Variants in GNPDA2 observed in about 807,000 individuals in gnomAD.
The protein encoded by GNPDA2 is glcN6P deaminase 2.
GNPDA2 carries 24 observed loss-of-function variants against 27.0 expected under a neutral mutation model. That is an observed-to-expected ratio of 0.89 (90% CI 0.64 to 1.25). The LOEUF (loss-of-function observed/expected upper bound fraction) is 1.25. Ranked by LOEUF, GNPDA2 falls within the 50% of genes most tolerant of loss-of-function variation. The probability of loss-of-function intolerance (pLI) is 0.00; values close to 1 mark genes in which losing one functional copy is unlikely to be tolerated. For synonymous variants in GNPDA2, 94 were observed against 108.4 expected (o/e 0.87, Z 0.83); for missense variants, 286 against 335.1 (o/e 0.85, Z 1.14).
intron 1 of GNPDA2, 54 bp from the exon 2 acceptor site, chr4:44,722,296 C>G (rs1717722361): frequency 7.5e-7 from 1 of 1,339,826 alleles, no homozygotes; most frequent in African/African-American, 1.5e-5. Flanking sequence ...AATTTAAATT[C>G]AGTAACTTTT....
intron 5 of GNPDA2, among the ~76,000 whole-genome samples, chr4:44,710,413 T>TA (rs551423856): frequency 3.3e-4 from 50 of 152,180 alleles, no homozygotes; most frequent in Non-Finnish European, 5.4e-4. Flanking sequence ...CAGCCCAATT[T>TA]AAAAAAACTT....
chr4:44,702,721 C>G lies in GNPDA2; in HGVS notation c.*360G>C, dbSNP rs1716352282. 1 of 1,065,364 alleles carries G rather than the reference C, an allele frequency of 9.4e-7. No individual in the cohort carries two copies. Among genetic ancestry groups the G allele is most frequent in the Non-Finnish European group, 1.1e-6 (1 of 882,304 alleles). The allele number at this position is 1,065,364 out of a possible 1,614,324, so 66.0% of individuals were successfully genotyped here. On this transcript the variant is annotated 3_prime_UTR_variant, in exon 7 of 7. Transcript: ENST00000295448. The stretch of plus-strand genomic sequence containing the variant: ...ATCTGAAAGGTTTGGAGTGTCTTGT[C>G]ATTAAAAAATGAAATATACGCCACT...
At chr4:44,708,159 C>T (rs543760836) in intron 5 of GNPDA2, among the ~76,000 whole-genome samples, 47 of 151,990 alleles carry the variant, frequency 3.1e-4, no homozygotes, top group Admixed American at 6.6e-4. Context: ...TTAATGCAAA[C>T]ACTATAATAC....
At position 44,702,498 on chromosome 4, in the gene GNPDA2, A is replaced by G. The variant is rs1380932412; in HGVS notation, c.*583T>C. 2.9e-5 allele frequency: 29 copies of G among 985,176 alleles called. No individual in the cohort carries two copies. The highest frequency in any genetic ancestry group is 1.0e-3 in the Middle Eastern group (2 of 1,932). The allele number at this position is 985,176 out of a possible 1,614,324, so 61.0% of individuals were successfully genotyped here. A position where few individuals can be genotyped will look rare whatever the true frequency, so the allele number is the denominator to read the frequency against. ...AACATGCACTTACACATACTTTCCA[A>G]AAGGATGTAAACTGTACTTTTAGGC... On this transcript the variant is annotated 3_prime_UTR_variant, in exon 7 of 7. Coordinates refer to ENST00000295448, the MANE Select transcript of GNPDA2 (RefSeq NM_138335.3).
intron 5 of GNPDA2, 100 bp from the exon 6 acceptor site, chr4:44,708,026 GAGAA>G (rs1282290169): frequency 2.4e-5 from 18 of 753,700 alleles, no homozygotes; most frequent in South Asian, 2.0e-4. Flanking sequence ...TTTTTTCTGA[GAGAA>G]AGAAAAATAC....
intron 4 of GNPDA2, among the ~76,000 whole-genome samples, chr4:44,712,944 T>C (rs1282020649): frequency 6.6e-6 from 1 of 152,210 alleles, no homozygotes; most frequent in Non-Finnish European, 1.5e-5. Context: ...CTGGAGTAAA[T>C]GTCATTCCTG....
rs1027191855 is a variant in GNPDA2 at position 44,703,903 on chromosome 4, A to G, written c.770-761T>C. ...AAGACTGACCCAGTTAATGAACCAGAGATTTTATATTTTGGAGGGTAAAGA... is the reference window on the plus strand; with the variant it reads ...AAGACTGACCCAGTTAATGAACCAGGGATTTTATATTTTGGAGGGTAAAGA... On this transcript the variant is annotated intron_variant, in intron 6 of 6. Transcript: ENST00000295448. 8.1e-6 allele frequency: 8 copies of G among 985,024 alleles called. No homozygotes were observed. The African/African-American group carries it at 1.2e-4, about 15-fold the overall frequency. 61.0% of individuals were successfully genotyped at this position (985,024 alleles called of 1,614,324 possible). A position where few individuals can be genotyped will look rare whatever the true frequency, so the allele number is the denominator to read the frequency against.
intron 2 of GNPDA2, among the ~76,000 whole-genome samples, 174 bp downstream of exon 2, chr4:44,721,910 T>C (rs984905806): frequency 3.3e-5 from 5 of 152,168 alleles, no homozygotes; most frequent in South Asian, 2.1e-4. Context: ...TAGTAACACA[T>C]TGTAGATAGT....
At chr4:44,711,399 T>C (rs1716971246) in intron 4 of GNPDA2, among the ~76,000 whole-genome samples, 1 of 152,182 alleles carries the variant, frequency 6.6e-6, no homozygotes, top group South Asian at 2.1e-4. Context: ...TATAAAGCCC[T>C]TTCACATGCA....
chr4:44,703,416 A>G lies in GNPDA2; in HGVS notation c.770-274T>C, dbSNP rs930247520. On this transcript the variant is annotated intron_variant, in intron 6 of 6. Transcript: ENST00000295448. ...AACCAGAAGAGCATTTCTTGTCTTC[A>G]AAGAGATTAAGCATGACAAATTTGA... The G allele has an allele frequency of 6.9e-6, 8 of 1,167,802 alleles. No individual in the cohort carries two copies. In the African/African-American group the frequency reaches 1.1e-4, roughly 17 times the overall value. The allele number at this position is 1,167,802 out of a possible 1,614,324, so 72.3% of individuals were successfully genotyped here.
chr4:44,715,136 AAAG>A (rs1717207673), intron 4 of GNPDA2, among the ~76,000 whole-genome samples: 1 of 152,188 alleles, frequency 6.6e-6, no homozygotes, highest in South Asian at 2.1e-4. Flanking sequence ...AATTAGCTGA[AAAG>A]AAGTACGAAA....
intron 4 of GNPDA2, chr4:44,714,408 G>A: frequency 1.0e-6 from 1 of 985,348 alleles, no homozygotes; most frequent in Non-Finnish European, 1.2e-6. Flanking sequence ...ATTTGAGTAT[G>A]TATTTCCTCC....
At chr4:44,712,522 T>A (rs922870517) in intron 4 of GNPDA2, among the ~76,000 whole-genome samples, 8 of 105,764 alleles carry the variant, frequency 7.6e-5, no homozygotes, top group Admixed American at 1.8e-4. Flanking sequence ...ATTAAGTATG[T>A]ATCTGCTTAT....
intron 4 of GNPDA2, chr4:44,714,672 A>C: frequency 1.8e-5 from 18 of 985,048 alleles, no homozygotes; most frequent in Non-Finnish European, 2.2e-5. Context: ...GGAACAAAAG[A>C]AGGGTAGTTG....
rs536806214 is a variant in GNPDA2 at position 44,726,177 on chromosome 4, G to A, written c.-36+297C>T. ...GCAAAGGACAGCGAATGCAAATGAG[G>A]ATGACTGTTAGGAATTTTTAACGAG... On this transcript the variant is annotated intron_variant, in intron 1 of 6. Transcript: ENST00000295448. 3.9e-5 allele frequency among the ~76,000 whole-genome samples: 6 copies of A among 152,278 alleles called. No homozygotes were observed. In the East Asian group the frequency reaches 7.8e-4, roughly 20 times the overall value.
intron 6 of GNPDA2, chr4:44,704,902 C>T (rs2709): frequency 0.23 from 222,116 of 981,506 alleles, 25,575 homozygotes; most frequent in Middle Eastern, 0.34. Flanking sequence ...AAAATCAAAG[C>T]TGTTCTATTT....
rs963961021 is a variant in GNPDA2, at chr4:44,702,532, C to G, written c.*549G>C. 7 of 986,180 alleles carry G rather than the reference C, an allele frequency of 7.1e-6. No individual in the cohort carries two copies. Among genetic ancestry groups the G allele is most frequent in the South Asian group, 9.4e-5 (2 of 21,320 alleles). The allele number at this position is 986,180 out of a possible 1,614,324, so 61.1% of individuals were successfully genotyped here. The stretch of plus-strand genomic sequence containing the variant: ...AAACTGTACTTTTAGGCACTGTCAT[C>G]TCTTCAAATTTCCTTTACCAATGAT... On this transcript the variant is annotated 3_prime_UTR_variant, in exon 7 of 7. Coordinates refer to ENST00000295448, the MANE Select transcript of GNPDA2 (RefSeq NM_138335.3).
intron 6 of GNPDA2, 81 bp from the exon 7 acceptor site, chr4:44,703,223 T>G: frequency 6.5e-7 from 1 of 1,527,820 alleles, no homozygotes; most frequent in Non-Finnish European, 8.7e-7. Flanking sequence ...AAGTATTTTT[T>G]ATAAGACACA....
intron 5 of GNPDA2, among the ~76,000 whole-genome samples, chr4:44,708,822 C>G (rs1716783709): frequency 6.6e-6 from 1 of 151,980 alleles, no homozygotes. Context: ...TATTTTATAA[C>G]TAGACCTAAA....
Sources: allele counts gnomAD v4.1 joint callset (sites outside exome capture counted in the v4.1 genomes callset), GRCh38; gene constraint gnomAD v4.1.1; transcripts MANE v1.5; gene names NCBI Gene and HGNC (gene_info 2026-07-23, HGNC 2026-07-21).